The following CUL1 variants were observed in gnomAD, a reference collection of about 807,000 sequenced individuals.
CUL1 encodes the protein cullin-1.
Under a neutral mutation model 118.0 loss-of-function variants are expected in CUL1, and 24 were observed. That is an observed-to-expected ratio of 0.20 (90% CI 0.15 to 0.29). The LOEUF (loss-of-function observed/expected upper bound fraction) is 0.29, where lower values mean the gene tolerates loss of function less well. Ranked by LOEUF, CUL1 falls within the 10% of genes least tolerant of loss-of-function variation. CUL1 has a pLI of 1.00. For synonymous variants in CUL1, 332 were observed against 340.4 expected (o/e 0.98, Z 0.27); for missense variants, 361 against 933.8 (o/e 0.39, Z 7.99).
intron 9 of CUL1, among the ~76,000 whole-genome samples, chr7:148,771,694 A>G (rs369436796): frequency 2.1e-4 from 32 of 152,366 alleles, no homozygotes; most frequent in African/African-American, 7.5e-4. Flanking sequence ...CCTTGCACAC[A>G]AATATTCAAG....
intron 1 of CUL1, among the ~76,000 whole-genome samples, chr7:148,725,178 G>A (rs2129459441): frequency 6.8e-6 from 1 of 147,190 alleles, no homozygotes; most frequent in South Asian, 2.2e-4. Flanking sequence ...GCATGGGCAT[G>A]CAGCGCACAT....
At chr7:148,760,805 G>A (rs1322258117) in intron 7 of CUL1, among the ~76,000 whole-genome samples, 1 of 152,158 alleles carries the variant, frequency 6.6e-6, no homozygotes, top group Non-Finnish European at 1.5e-5. Flanking sequence ...ATGTCAATGA[G>A]AAAATTTTAA....
intron 1 of CUL1, among the ~76,000 whole-genome samples, chr7:148,722,300 C>T (rs1446581904): frequency 6.6e-6 from 1 of 152,202 alleles, no homozygotes; most frequent in Non-Finnish European, 1.5e-5. Flanking sequence ...CCTCAGCTGC[C>T]TGCTACATCC....
chr7:148,729,028 T>G (rs1055562994), intron 1 of CUL1, among the ~76,000 whole-genome samples: 1 of 152,258 alleles, frequency 6.6e-6, no homozygotes, highest in Non-Finnish European at 1.5e-5. Context: ...TTAAAACCTT[T>G]ACGTTTTGAT....
chr7:148,771,367 T>C (rs1800207041), intron 9 of CUL1, among the ~76,000 whole-genome samples: 1 of 152,234 alleles, frequency 6.6e-6, no homozygotes, highest in Non-Finnish European at 1.5e-5. Context: ...TGAATTTTTC[T>C]TAAGGCATAT....
At chr7:148,710,679 T>C (rs1438519238) in intron 1 of CUL1, among the ~76,000 whole-genome samples, 2 of 151,882 alleles carry the variant, frequency 1.3e-5, no homozygotes, top group African/African-American at 4.8e-5. Flanking sequence ...TTTTTTTTGG[T>C]TGGGGTTTCG....
intron 1 of CUL1, among the ~76,000 whole-genome samples, chr7:148,718,467 T>A (rs374466635): frequency 1.1e-4 from 16 of 152,338 alleles, no homozygotes; most frequent in Non-Finnish European, 2.4e-4. Context: ...ATGTAATAAA[T>A]GGAGTCATAT....
Position 148,800,922 on chromosome 7 carries a change from A to T in CUL1, c.*340A>T. ...TGGCAGCACTTGTCACGTTGGCAGC[A>T]CTTTGAGAGCAAGTCTGAGTGGACC... On this transcript the variant is annotated 3_prime_UTR_variant, in exon 22 of 22. Transcript: ENST00000325222. The surrounding 1 kb of genome is among the most constrained non-coding windows in gnomAD (Gnocchi z 4.6). 4.8e-6 allele frequency: 1 copy of T among 206,254 alleles called. No homozygotes were observed. Among genetic ancestry groups the T allele is most frequent in the Non-Finnish European group, 9.7e-6 (1 of 103,010 alleles). 12.8% of individuals were successfully genotyped at this position (206,254 alleles called of 1,614,324 possible).
chr7:148,755,869 A>G (rs1799638387), intron 3 of CUL1, among the ~76,000 whole-genome samples: 1 of 152,226 alleles, frequency 6.6e-6, no homozygotes, highest in Admixed American at 6.5e-5. Context: ...TGGAGCTTCC[A>G]GTCTGTTGTA....
chr7:148,793,488 A>G (rs1801086064), intron 17 of CUL1, among the ~76,000 whole-genome samples: 1 of 152,144 alleles, frequency 6.6e-6, no homozygotes, highest in Admixed American at 6.5e-5. Context: ...CCTGACAACC[A>G]TTAATTTGCT....
intron 9 of CUL1, 110 bp downstream of exon 9, chr7:148,767,859 G>C: frequency 1.9e-6 from 2 of 1,044,936 alleles, no homozygotes; most frequent in Non-Finnish European, 2.8e-6. Context: ...ATTTTCATTA[G>C]AACTCTGAGA....
intron 9 of CUL1, among the ~76,000 whole-genome samples, chr7:148,768,763 T>G (rs113586858): frequency 1.3e-5 from 2 of 152,158 alleles, no homozygotes; most frequent in African/African-American, 4.8e-5. Flanking sequence ...TTATTGTGCT[T>G]AATGATTATT....
intron 2 of CUL1, among the ~76,000 whole-genome samples, chr7:148,750,996 A>G (rs1034731796): frequency 3.9e-5 from 6 of 151,966 alleles, no homozygotes; most frequent in Admixed American, 3.3e-4. Flanking sequence ...AAAAAAAAAA[A>G]AAACAAAACA....
At position 148,795,713 on chromosome 7, in the gene CUL1, T is replaced by G. The variant is rs181061251; in HGVS notation, c.1900-2099T>G. ...TGAACCCAGGAGGCGCAGCTTGCAG[T>G]GAGCCCTGATTGCGCCACTGCACTC... is the stretch of plus-strand genomic sequence containing the variant. On this transcript the variant is annotated intron_variant, in intron 17 of 21. Transcript: ENST00000325222. Among the ~76,000 whole-genome samples, 404 of 146,548 alleles carry G rather than the reference T, an allele frequency of 2.8e-3. 2 individuals are homozygous for G. Among genetic ancestry groups the G allele is most frequent in the African/African-American group, 9.7e-3 (381 of 39,208 alleles).
chr7:148,709,880 C>T (rs1797997332), intron 1 of CUL1, among the ~76,000 whole-genome samples: 1 of 151,890 alleles, frequency 6.6e-6, no homozygotes, highest in African/African-American at 2.4e-5. Context: ...CTTACGAGTT[C>T]GAGACCAGCC....
intron 1 of CUL1, among the ~76,000 whole-genome samples, chr7:148,700,930 C>G (rs2129458716): frequency 1.3e-5 from 2 of 152,256 alleles, no homozygotes; most frequent in Admixed American, 1.3e-4. Flanking sequence ...GACAGACACG[C>G]ATGCCTGAGC....
intron 2 of CUL1, among the ~76,000 whole-genome samples, chr7:148,731,209 A>C (rs771529603): frequency 1.3e-5 from 2 of 152,208 alleles, no homozygotes; most frequent in Non-Finnish European, 2.9e-5. Context: ...TCTTGATTCC[A>C]TACAAATATG....
At chr7:148,782,845 CG>C (rs1342139864) in intron 9 of CUL1, among the ~76,000 whole-genome samples, 2 of 87,832 alleles carry the variant, frequency 2.3e-5, no homozygotes, top group South Asian at 3.5e-4. Flanking sequence ...ATGGGCGTGC[CG>C]CGGCGCCTGG....
intron 9 of CUL1, among the ~76,000 whole-genome samples, chr7:148,773,340 T>A (rs1163472544): frequency 6.6e-6 from 1 of 151,990 alleles, no homozygotes; most frequent in African/African-American, 2.4e-5. Context: ...CATCCTTACC[T>A]TCTGCTTGTC....
Sources: allele counts gnomAD v4.1 joint callset (sites outside exome capture counted in the v4.1 genomes callset), GRCh38; gene constraint gnomAD v4.1.1; non-coding constraint Gnocchi (gnomAD v3.1); transcripts MANE v1.5; gene names NCBI Gene and HGNC (gene_info 2026-07-23, HGNC 2026-07-21).